SKP2: variants seen among roughly 807,000 people sequenced by gnomAD.
The protein encoded by SKP2 is S-phase kinase-associated protein 2.
A neutral mutation model predicts 51.8 loss-of-function variants in SKP2; 16 were observed. The observed-to-expected ratio is 0.31, with a 90% CI of 0.21 to 0.47. The LOEUF is 0.47. Ranked by LOEUF, SKP2 falls within the 20% of genes least tolerant of loss-of-function variation. The probability of loss-of-function intolerance (pLI) is 1.00; values close to 1 mark genes in which losing one functional copy is unlikely to be tolerated. For missense variants in SKP2, 377 were observed against 505.3 expected, an observed-to-expected ratio of 0.75 and a Z score of 2.43; for synonymous variants, 176 against 198.6, an observed-to-expected ratio of 0.89 and a Z score of 0.96.
rs574618639 is a variant in SKP2, at chr5:36,182,101, T to C, written c.*70T>C. ...TAGGCAGGAAGCCCAATTGCTGGAG[T>C]ACTTAGCTAGTTTTATTCTTGGTTT... On this transcript the variant is annotated 3_prime_UTR_variant, in exon 10 of 10. Transcript: ENST00000274255. 1.9e-6 allele frequency: 3 copies of C among 1,558,746 alleles called. No individual in the cohort carries two copies. The East Asian group carries it at 7.0e-5, about 36-fold the overall frequency.
At chr5:36,179,216 T>C (rs1366124026) in intron 9 of SKP2, among the ~76,000 whole-genome samples, 1 of 152,150 alleles carries the variant, frequency 6.6e-6, no homozygotes, top group Non-Finnish European at 1.5e-5. Flanking sequence ...TGTTGGTACC[T>C]TATGCTTAAA....
At chr5:36,189,169 A>G (rs559796752), downstream of SKP2, among the ~76,000 whole-genome samples, 1 of 152,128 alleles carries the variant, frequency 6.6e-6, no homozygotes. Context: ...CATGGGTTCA[A>G]ACTTCCTCCT....
At chr5:36,162,302 A>G (rs575506134) in intron 2 of SKP2, among the ~76,000 whole-genome samples, 1 of 152,238 alleles carries the variant, frequency 6.6e-6, no homozygotes, top group East Asian at 1.9e-4. Context: ...TCAAACACAC[A>G]TGCTGTTCCT....
At chr5:36,161,931 T>C (rs1561533394) in intron 2 of SKP2, among the ~76,000 whole-genome samples, 1 of 152,266 alleles carries the variant, frequency 6.6e-6, no homozygotes, top group Non-Finnish European at 1.5e-5. Flanking sequence ...GATTCCTTCA[T>C]TGTGCATTTA....
At chr5:36,154,064 G>A (rs1429138048) in intron 2 of SKP2, among the ~76,000 whole-genome samples, 1 of 152,096 alleles carries the variant, frequency 6.6e-6, no homozygotes, top group African/African-American at 2.4e-5. Context: ...TCTAGTGAGA[G>A]AATACAATAA....
downstream of SKP2, among the ~76,000 whole-genome samples, chr5:36,185,680 G>C (rs1209599127): frequency 6.6e-6 from 1 of 152,290 alleles, no homozygotes; most frequent in South Asian, 2.1e-4. Context: ...TTGAAGTCAG[G>C]TAGCATGATG....
chr5:36,186,055 A>G (rs899146993), downstream of SKP2, among the ~76,000 whole-genome samples: 2 of 151,970 alleles, frequency 1.3e-5, no homozygotes, highest in Admixed American at 6.6e-5. Context: ...CTCTCTGTTT[A>G]TCTGTTATTG....
chr5:36,189,177 C>T (rs919069338), downstream of SKP2, among the ~76,000 whole-genome samples: 2 of 152,182 alleles, frequency 1.3e-5, no homozygotes, highest in Admixed American at 6.5e-5. Context: ...CAAACTTCCT[C>T]CTTTAGCTCG....
chr5:36,182,439 T>C lies in SKP2; in HGVS notation c.*408T>C, dbSNP rs1745841134. 3 of 993,466 alleles carry C rather than the reference T, an allele frequency of 3.0e-6. No homozygotes were observed. The highest frequency in any genetic ancestry group is 3.6e-6 in the Non-Finnish European group (3 of 833,546). The allele number at this position is 993,466 out of a possible 1,614,324, so 61.5% of individuals were successfully genotyped here. A position where few individuals can be genotyped will look rare whatever the true frequency, so the allele number is the denominator to read the frequency against. The stretch of plus-strand genomic sequence containing the variant: ...TATTTAATTTTATAGTATTGCTTTA[T>C]AAGACAGCTTAGAAGAACAATAAGC... On this transcript the variant is annotated 3_prime_UTR_variant, in exon 10 of 10. Transcript: ENST00000274255.
chr5:36,164,171 T>G (rs1745214901), intron 3 of SKP2, among the ~76,000 whole-genome samples: 1 of 152,154 alleles, frequency 6.6e-6, no homozygotes, highest in African/African-American at 2.4e-5. Flanking sequence ...CTGCTTACGC[T>G]CTGCATGACC....
intron 6 of SKP2, among the ~76,000 whole-genome samples, chr5:36,192,130 G>A (rs7719686): frequency 0.48 from 73,130 of 151,912 alleles, 18,792 homozygotes; most frequent in South Asian, 0.7. Context: ...CTTAAAGCCC[G>A]TAAGACTTAA....
At chr5:36,160,578 C>T (rs369644070) in intron 2 of SKP2, among the ~76,000 whole-genome samples, 6 of 152,272 alleles carry the variant, frequency 3.9e-5, no homozygotes, top group African/African-American at 1.4e-4. Flanking sequence ...TTAATAAATA[C>T]GTGAGTGGAT....
intron 7 of SKP2, among the ~76,000 whole-genome samples, chr5:36,173,757 G>GT (rs1745547485): frequency 1.3e-5 from 2 of 152,094 alleles, no homozygotes; most frequent in Admixed American, 1.3e-4. Context: ...TGAAGTGTTA[G>GT]TTTTTTAATT....
intron 7 of SKP2, among the ~76,000 whole-genome samples, chr5:36,175,437 G>GA (rs1745602140): frequency 6.6e-6 from 1 of 151,970 alleles, no homozygotes; most frequent in South Asian, 2.1e-4. Flanking sequence ...CTTGTGAGAC[G>GA]AAAAAACCCT....
intron 7 of SKP2, among the ~76,000 whole-genome samples, chr5:36,173,714 G>C (rs139679043): frequency 6.6e-6 from 1 of 152,256 alleles, no homozygotes; most frequent in East Asian, 1.9e-4. Flanking sequence ...CTGCTTGCTA[G>C]ACACATTCAG....
intron 7 of SKP2, among the ~76,000 whole-genome samples, chr5:36,172,560 A>G (rs1561538261): frequency 6.6e-6 from 1 of 152,316 alleles, no homozygotes; most frequent in South Asian, 2.1e-4. Flanking sequence ...AACACACATC[A>G]ACCATATCTT....
chr5:36,176,822 T>C lies in SKP2; in HGVS notation c.902-143T>C, dbSNP rs1356261825. On this transcript the variant is annotated intron_variant, in intron 7 of 9. Coordinates refer to ENST00000274255, the MANE Select transcript of SKP2 (RefSeq NM_005983.4). ...TAGAAAATTTTATGTTCCAAGATGA[T>C]CATTTTTTCTTTCTAATAGTGTGTG... The C allele has an allele frequency of 1.4e-5, 7 of 510,064 alleles. No individual in the cohort carries two copies. The South Asian group carries it at 2.6e-4, about 19-fold the overall frequency. The allele number at this position is 510,064 out of a possible 1,614,324, so 31.6% of individuals were successfully genotyped here. A position where few individuals can be genotyped will look rare whatever the true frequency, so the allele number is the denominator to read the frequency against.
In SKP2 at chr5:36,166,938, G is replaced by A. The variant is rs1745307816; in HGVS notation, c.536+276G>A. Reference sequence around the variant, plus strand: ...CTTCTCAAGTCCTCAGCTGATAGGGGGACTGTGAGTCCCACAAGGCAGGCA... The same window carrying A: ...CTTCTCAAGTCCTCAGCTGATAGGGAGACTGTGAGTCCCACAAGGCAGGCA... On this transcript the variant is annotated intron_variant, in intron 4 of 9. Transcript: ENST00000274255. Among the ~76,000 whole-genome samples the A allele has an allele frequency of 2.0e-5, 3 of 151,872 alleles. No individual in the cohort carries two copies. The South Asian group carries it at 6.2e-4, about 32-fold the overall frequency.
Position 36,168,439 on chromosome 5 carries a change from C to G in SKP2, c.663C>G (p.Pro221=), listed in dbSNP as rs371764975. The G allele has an allele frequency of 2.5e-6, 4 of 1,614,038 alleles. No individual in the cohort carries two copies. Among genetic ancestry groups the G allele is most frequent in the Non-Finnish European group, 3.4e-6 (4 of 1,180,004 alleles). Residue 221 remains proline (P), a synonymous_variant, in exon 5 of 10, where the codon CCC becomes CCG. Transcript: ENST00000274255. ...LSLEGLRLSD[P]IVNTLAKNSN... ...TGGAAGGCCTGCGGCTTTCGGATCC[C>G]ATTGTCAAGTGAGTGGCAGGCAGAG...
Sources: allele counts gnomAD v4.1 joint callset (sites outside exome capture counted in the v4.1 genomes callset), GRCh38; gene constraint gnomAD v4.1.1; transcripts MANE v1.5; gene names NCBI Gene and HGNC (gene_info 2026-07-23, HGNC 2026-07-21).